Variants in UNC5D observed in about 807,000 individuals in gnomAD.
UNC5D encodes netrin receptor UNC5D.
Under a neutral mutation model 105.4 loss-of-function variants are expected in UNC5D, and 39 were observed. That is an observed-to-expected ratio of 0.37 (90% CI 0.29 to 0.48). The LOEUF is 0.48. UNC5D is among the 20% of genes least tolerant of loss of function. UNC5D has a pLI of 0.98. For synonymous variants in UNC5D, 452 were observed against 450.4 expected (o/e 1.00, Z -0.04); for missense variants, 991 against 1,202.4 (o/e 0.82, Z 2.60).
chr8:35,305,593 CTT>C (rs1381069195), intron 1 of UNC5D, among the ~76,000 whole-genome samples: 49 of 142,082 alleles, frequency 3.4e-4, no homozygotes, highest in South Asian at 1.4e-3. Context: ...TTCTTTCTTT[CTT>C]TCTTTCTTTC....
At chr8:35,716,847 A>T (rs982939238) in intron 8 of UNC5D, among the ~76,000 whole-genome samples, 1 of 152,230 alleles carries the variant, frequency 6.6e-6, no homozygotes, top group African/African-American at 2.4e-5. Flanking sequence ...AAGGAAAAAA[A>T]ATGTTTGCTT....
chr8:35,480,551 T>C (rs1252729477), intron 1 of UNC5D, among the ~76,000 whole-genome samples: 3 of 152,200 alleles, frequency 2.0e-5, no homozygotes, highest in Non-Finnish European at 4.4e-5. Flanking sequence ...CTACTTGTTA[T>C]TGCAAAACAA....
chr8:35,637,273 A>C (rs1822439071), intron 4 of UNC5D, among the ~76,000 whole-genome samples: 1 of 152,170 alleles, frequency 6.6e-6, no homozygotes. Flanking sequence ...CCTTTGTGAT[A>C]GGGTCACAAA....
intron 1 of UNC5D, among the ~76,000 whole-genome samples, chr8:35,417,863 C>T (rs1434976774): frequency 6.6e-6 from 1 of 152,122 alleles, no homozygotes; most frequent in Non-Finnish European, 1.5e-5. Flanking sequence ...ATGCCAGATA[C>T]ACATATGTAA....
At chr8:35,655,525 C>A (rs1414635931) in intron 4 of UNC5D, among the ~76,000 whole-genome samples, 1 of 152,184 alleles carries the variant, frequency 6.6e-6, no homozygotes, top group Non-Finnish European at 1.5e-5. Flanking sequence ...GAAAAGCAAT[C>A]TGGTCATCAT....
intron 1 of UNC5D, among the ~76,000 whole-genome samples, chr8:35,244,798 G>A (rs1802989390): frequency 6.6e-6 from 1 of 152,006 alleles, no homozygotes; most frequent in Admixed American, 6.6e-5. Flanking sequence ...ATGGCTTGAG[G>A]CCTGGAGTTT....
chr8:35,605,150 C>A (rs1239568968), intron 4 of UNC5D, among the ~76,000 whole-genome samples: 1 of 152,110 alleles, frequency 6.6e-6, no homozygotes, highest in Non-Finnish European at 1.5e-5. Flanking sequence ...TTTTTCTGTT[C>A]TGTTTTTTCC....
At chr8:35,509,599 C>T (rs1812565004) in intron 1 of UNC5D, among the ~76,000 whole-genome samples, 2 of 148,464 alleles carry the variant, frequency 1.3e-5, no homozygotes, top group Admixed American at 1.4e-4. Context: ...CATCCTTTCT[C>T]ACTGTGAGCA....
At chr8:35,269,188 T>C (rs1379682692) in intron 1 of UNC5D, among the ~76,000 whole-genome samples, 2 of 152,230 alleles carry the variant, frequency 1.3e-5, no homozygotes, top group African/African-American at 4.8e-5. Context: ...ACATTTATTA[T>C]GTACCAATAA....
At chr8:35,729,096 G>A (rs1465919313) in intron 10 of UNC5D, among the ~76,000 whole-genome samples, 1 of 152,198 alleles carries the variant, frequency 6.6e-6, no homozygotes. Context: ...TCTGATTGAA[G>A]AGAGAAAAAT....
intron 1 of UNC5D, among the ~76,000 whole-genome samples, chr8:35,500,985 C>T (rs1811928645): frequency 1.3e-5 from 2 of 152,218 alleles, no homozygotes; most frequent in Non-Finnish European, 2.9e-5. Context: ...ATTCTTGGTA[C>T]TGCACCTCTG....
At chr8:35,563,865 AATG>A (rs1165408656) in intron 2 of UNC5D, among the ~76,000 whole-genome samples, 1 of 151,984 alleles carries the variant, frequency 6.6e-6, no homozygotes, top group Non-Finnish European at 1.5e-5. Context: ...CATCTATTTA[AATG>A]ATCATTTTTT....
rs1803027273 is a variant in UNC5D, at chr8:35,791,241, T to A, written c.*678T>A. On this transcript the variant is annotated 3_prime_UTR_variant, in exon 17 of 17. Coordinates refer to ENST00000404895, the MANE Select transcript of UNC5D (RefSeq NM_080872.4). ...TTTCCTGAGACAAATCTACCCTTATTCTTTCTTCCTCTTCCTTACCCCTTG... is the reference window on the plus strand; with the variant it reads ...TTTCCTGAGACAAATCTACCCTTATACTTTCTTCCTCTTCCTTACCCCTTG... The A allele has an allele frequency of 6.5e-6, 1 of 153,422 alleles. No individual in the cohort carries two copies. The allele number at this position is 153,422 out of a possible 1,614,324, so 9.5% of individuals were successfully genotyped here. A position where few individuals can be genotyped will look rare whatever the true frequency, so the allele number is the denominator to read the frequency against.
chr8:35,472,805 C>T (rs895796123), intron 1 of UNC5D, among the ~76,000 whole-genome samples: 3 of 152,038 alleles, frequency 2.0e-5, no homozygotes, highest in Non-Finnish European at 4.4e-5. Context: ...TTGGACATTG[C>T]CATATGTTAC....
chr8:35,687,181 C>T (rs777181781), intron 7 of UNC5D, among the ~76,000 whole-genome samples: 5 of 152,138 alleles, frequency 3.3e-5, no homozygotes, highest in Admixed American at 1.3e-4. Context: ...CAGTGGCTCA[C>T]GCCTGTAATC....
chr8:35,334,498 C>G (rs187806363), intron 1 of UNC5D, among the ~76,000 whole-genome samples: 1 of 150,454 alleles, frequency 6.6e-6, no homozygotes, highest in Admixed American at 6.7e-5. Context: ...GTATAATTAA[C>G]ATACAATAAA....
intron 1 of UNC5D, chr8:35,525,082 A>G: frequency 8.0e-7 from 1 of 1,257,796 alleles, no homozygotes; most frequent in Non-Finnish European, 1.1e-6. Flanking sequence ...AACAGGACAT[A>G]TAGGATCCCT....
At chr8:35,541,434 T>C (rs114581618) in intron 1 of UNC5D, among the ~76,000 whole-genome samples, 1,538 of 152,342 alleles carry the variant, frequency 0.01, 33 homozygotes, top group African/African-American at 0.035. Flanking sequence ...TATTTAGCTC[T>C]ACCTAACTTT....
chr8:35,462,205 G>A (rs1808943763), intron 1 of UNC5D, among the ~76,000 whole-genome samples: 1 of 151,900 alleles, frequency 6.6e-6, no homozygotes, highest in Non-Finnish European at 1.5e-5. Flanking sequence ...AGCAAATTTA[G>A]CAATCTCTTT....
Sources: allele counts gnomAD v4.1 joint callset (sites outside exome capture counted in the v4.1 genomes callset), GRCh38; gene constraint gnomAD v4.1.1; transcripts MANE v1.5; gene names NCBI Gene and HGNC (gene_info 2026-07-23, HGNC 2026-07-21).